Variants in CYLC1 observed in about 807,000 individuals in gnomAD.
CYLC1 encodes the protein cylicin-1.
In CYLC1, 2 loss-of-function variants were observed where a neutral mutation model predicts 31.6. The observed-to-expected ratio is 0.06, with a 90% CI of 0.03 to 0.20. CYLC1 has a LOEUF of 0.20. Ranked by LOEUF, CYLC1 falls within the 10% of genes least tolerant of loss-of-function variation. The pLI is 1.00. For missense variants in CYLC1, 595 were observed against 424.1 expected (o/e 1.40, Z -3.54); for synonymous variants, 185 against 153.0 (o/e 1.21, Z -1.54).
At chrX:83,876,572 T>C (rs1045310077) in intron 4 of CYLC1, among the ~76,000 whole-genome samples, 1 of 111,195 alleles carries the variant, frequency 9.0e-6, no homozygotes, top group Non-Finnish European at 1.9e-5. Context: ...ACCATTCAGT[T>C]AGGCTTTTCT....
Position 83,873,907 on chromosome X carries a change from C to A in CYLC1, c.1199C>A (p.Ala400Glu). The change falls in exon 4 of 5, where the codon GCA becomes GAA. Residue 400 changes from alanine to glutamate, a missense_variant. Physicochemically the swap from Ala to Glu is moderately radical, Grantham distance 107. Coordinates refer to ENST00000329312, the MANE Select transcript of CYLC1 (RefSeq NM_021118.3). ...ASKNDDKKKD[A>E]KKITFSTDSE... The stretch of plus-strand genomic sequence containing the variant: ...AAGAATGATGACAAGAAAAAGGATG[C>A]AAAGAAAATTACATTCTCTACTGAT... 8.4e-7 allele frequency: 1 copy of A among 1,193,578 alleles called. No individual in the cohort carries two copies.
chrX:83,884,879 T>A (rs1193765468), intron 4 of CYLC1, among the ~76,000 whole-genome samples: 1 of 110,921 alleles, frequency 9.0e-6, no homozygotes, highest in Non-Finnish European at 1.9e-5. Context: ...AATTTCTAAT[T>A]CCAAACTCTG....
At chrX:83,862,155 TG>T (rs1251948999) in intron 1 of CYLC1, among the ~76,000 whole-genome samples, 11 of 111,859 alleles carry the variant, frequency 9.8e-5, no homozygotes, top group African/African-American at 3.6e-4. Context: ...CCTCTTTAAA[TG>T]ATACATGTCT....
At chrX:83,885,717 A>C (rs1317033283) in intron 4 of CYLC1, among the ~76,000 whole-genome samples, 1 of 109,171 alleles carries the variant, frequency 9.2e-6, no homozygotes, top group Non-Finnish European at 1.9e-5. Context: ...CCACTGCTAT[A>C]AATATAATAA....
intron 4 of CYLC1, among the ~76,000 whole-genome samples, chrX:83,881,394 T>C: frequency 9.0e-6 from 1 of 110,523 alleles, no homozygotes; most frequent in South Asian, 3.9e-4. Flanking sequence ...AGCTGTAATT[T>C]CAAATTGTAT....
rs774147166 is a variant in CYLC1 at position 83,872,952 on chromosome X, A to C, written c.244A>C (p.Arg82=). 1.7e-6 allele frequency: 2 copies of C among 1,201,831 alleles called. No homozygotes were observed. The highest frequency in any genetic ancestry group is 4.6e-5 in the Admixed American group (2 of 43,932). ...TCATAAATGGATAAGGCATTCTTTC[A>C]GAAAAATTTTGCAATGGCCACCCAT... ...PAHKWIRHSF[R]KILQWPPIYT... Residue 82 remains arginine, a synonymous_variant, in exon 4 of 5, where the codon AGA becomes CGA. Coordinates refer to ENST00000329312, the MANE Select transcript of CYLC1 (RefSeq NM_021118.3).
chrX:83,870,606 T>C (rs2031649969), intron 2 of CYLC1, among the ~76,000 whole-genome samples: 1 of 112,073 alleles, frequency 8.9e-6, no homozygotes, highest in Non-Finnish European at 1.9e-5. Context: ...TAAACAAGTT[T>C]ACTAAAATGC....
intron 4 of CYLC1, among the ~76,000 whole-genome samples, chrX:83,878,203 AT>A (rs1192216215): frequency 0.014 from 10 of 700 alleles, no homozygotes; most frequent in Non-Finnish European, 0.036. Flanking sequence ...ATATATATAA[AT>A]ATATATAAAT....
At chrX:83,875,970 T>C (rs190182081) in intron 4 of CYLC1, among the ~76,000 whole-genome samples, 93 of 110,609 alleles carry the variant, frequency 8.4e-4, no homozygotes, top group South Asian at 6.5e-3. Context: ...CTCCTCCCTT[T>C]CTTCTCCTCA....
At chrX:83,884,801 CAT>C (rs1374745019) in intron 4 of CYLC1, among the ~76,000 whole-genome samples, 1 of 110,868 alleles carries the variant, frequency 9.0e-6, no homozygotes, top group Non-Finnish European at 1.9e-5. Context: ...TGTGCCCAAG[CAT>C]AGAGACTCCT....
At chrX:83,879,100 G>GAA (rs1192964627) in intron 4 of CYLC1, among the ~76,000 whole-genome samples, 1 of 110,614 alleles carries the variant, frequency 9.0e-6, no homozygotes, top group Non-Finnish European at 1.9e-5. Context: ...TGCTAAGGTA[G>GAA]AAAAGTAGGG....
intron 2 of CYLC1, 49 bp downstream of exon 2, chrX:83,869,954 T>C: frequency 1.5e-6 from 1 of 689,137 alleles, no homozygotes. Flanking sequence ...TGGAAAACAA[T>C]TTTAGGAACT....
intron 3 of CYLC1, among the ~76,000 whole-genome samples, 177 bp downstream of exon 3, chrX:83,871,747 A>G (rs1271293784): frequency 9.0e-6 from 1 of 110,956 alleles, no homozygotes; most frequent in Non-Finnish European, 1.9e-5. Flanking sequence ...ATATTTGTAC[A>G]TAATTATCCA....
intron 3 of CYLC1, among the ~76,000 whole-genome samples, chrX:83,872,288 A>G (rs1346459275): frequency 9.0e-6 from 1 of 111,247 alleles, no homozygotes; most frequent in Non-Finnish European, 1.9e-5. Flanking sequence ...AATAAATTAC[A>G]CCACTGCTGC....
intron 1 of CYLC1, among the ~76,000 whole-genome samples, chrX:83,861,625 T>C (rs1223528708): frequency 8.9e-6 from 1 of 112,042 alleles, no homozygotes; most frequent in African/African-American, 3.2e-5. Flanking sequence ...AATACATTAT[T>C]ATGTCCAAGA....
At chrX:83,871,334 T>C (rs1331317794) in intron 2 of CYLC1, 118 bp from the exon 3 acceptor site, 2 of 417,808 alleles carry the variant, frequency 4.8e-6, no homozygotes, top group Non-Finnish European at 7.8e-6. Context: ...GGAAAAAATC[T>C]ATATTTTAAT....
In CYLC1 at chrX:83,874,094, G is replaced by T. The variant is rs1383186553; in HGVS notation, c.1386G>T (p.Lys462Asn). The T allele has an allele frequency of 7.5e-6, 9 of 1,201,517 alleles. No individual in the cohort carries two copies. The Admixed American group carries it at 1.6e-4, about 21-fold the overall frequency. Residue 462 changes from lysine (K) to asparagine (N), a missense_variant, in exon 4 of 5, where the codon AAG becomes AAT. Physicochemically the swap from Lys to Asn is moderately conservative, Grantham distance 94. Transcript: ENST00000329312. ...GDSKKGKKDE[K>N]KGKKDSKKDD... ...CAAAAAAGGGTAAAAAGGATGAAAA[G>T]AAGGGGAAGAAAGATTCAAAGAAAG...
intron 4 of CYLC1, among the ~76,000 whole-genome samples, chrX:83,876,704 C>A (rs1452496501): frequency 9.0e-6 from 1 of 110,552 alleles, no homozygotes; most frequent in Non-Finnish European, 1.9e-5. Flanking sequence ...TTAAACTAAC[C>A]TTTCTGTCTG....
intron 1 of CYLC1, among the ~76,000 whole-genome samples, chrX:83,868,611 C>A (rs1027367558): frequency 9.0e-6 from 1 of 110,805 alleles, no homozygotes; most frequent in African/African-American, 3.3e-5. Flanking sequence ...ACACTTTTCC[C>A]CTTGTAGATA....
Sources: gnomAD v4.1 joint callset for allele counts (sites outside exome capture counted in the v4.1 genomes callset) on GRCh38, gnomAD v4.1.1 for gene constraint, MANE v1.5 for transcripts, NCBI Gene and HGNC (gene_info 2026-07-23, HGNC 2026-07-21) for gene names.